Variants in EFCAB12 observed in about 807,000 individuals in gnomAD.
The protein encoded by EFCAB12 is EF-hand calcium binding domain 12.
EFCAB12 carries 43 observed loss-of-function variants against 53.6 expected under a neutral mutation model. The observed-to-expected ratio is 0.80, with a 90% CI of 0.63 to 1.03. The LOEUF is 1.03. Ranked by LOEUF, EFCAB12 falls within the 50% of genes least tolerant of loss-of-function variation. The pLI, the probability that EFCAB12 is intolerant of heterozygous loss-of-function variation, is 0.00. For synonymous variants in EFCAB12, 269 were observed against 289.2 expected (o/e 0.93, Z 0.71); for missense variants, 646 against 730.6 (o/e 0.88, Z 1.34).
In EFCAB12 at chr3:129,404,349, A is replaced by C. The variant is rs1319656089; in HGVS notation, c.1304T>G (p.Ile435Ser). ...IIFQMDKVCP[I>S]RQPGGYYSDW... is the part of the protein sequence containing the mutation. ...AGAGTAGTAGCCTCCCGGCTGCCGG[A>C]TGGGGCACACTTTGTCCATCTGGAA... Residue 435 changes from isoleucine (I) to serine (S), a missense_variant, in exon 7 of 9, where the codon ATC becomes AGC. Coordinates refer to ENST00000505956, the MANE Select transcript of EFCAB12 (RefSeq NM_207307.3). 1 of 1,613,888 alleles carries C rather than the reference A, an allele frequency of 6.2e-7. No homozygotes were observed. Among genetic ancestry groups the C allele is most frequent in the Non-Finnish European group, 8.5e-7 (1 of 1,179,872 alleles).
In EFCAB12 at chr3:129,415,409, G is replaced by A; in HGVS notation, c.682-8C>T. 1 of 1,613,438 alleles carries A rather than the reference G, an allele frequency of 6.2e-7. No individual in the cohort carries two copies. The highest frequency in any genetic ancestry group is 8.5e-7 in the Non-Finnish European group (1 of 1,179,714). Reference sequence around the variant, plus strand: ...CTTCAGAGGGACTCCGACCTGAGGAGAGAGAAGACCTTCAGACTAGCAGGC... The same window carrying A: ...CTTCAGAGGGACTCCGACCTGAGGAAAGAGAAGACCTTCAGACTAGCAGGC... On this transcript the variant is annotated splice_polypyrimidine_tract_variant and splice_region_variant and intron_variant, in intron 3 of 8. Coordinates refer to ENST00000505956, the MANE Select transcript of EFCAB12 (RefSeq NM_207307.3).
In EFCAB12 at chr3:129,408,891, T is replaced by A. The variant is rs1308955064; in HGVS notation, c.1036-33A>T. ...GGAAGCAGAAAGGGGCTCGCCCTTCTCTCGCCTGTGTCCCTCCTCCTGGCC... is the reference window on the plus strand; with the variant it reads ...GGAAGCAGAAAGGGGCTCGCCCTTCACTCGCCTGTGTCCCTCCTCCTGGCC... On this transcript the variant is annotated intron_variant, in intron 5 of 8. Transcript: ENST00000505956. 3 of 1,548,112 alleles carry A rather than the reference T, an allele frequency of 1.9e-6. No individual in the cohort carries two copies. In the East Asian group the frequency reaches 7.3e-5, roughly 38 times the overall value.
At chr3:129,427,657 A>T (rs1254134355) in intron 1 of EFCAB12, among the ~76,000 whole-genome samples, 1 of 152,070 alleles carries the variant, frequency 6.6e-6, no homozygotes, top group Non-Finnish European at 1.5e-5. Context: ...CATGGAGAAG[A>T]CCTTCAGTCT....
At chr3:129,426,141 C>T (rs2072267927) in intron 1 of EFCAB12, among the ~76,000 whole-genome samples, 1 of 152,016 alleles carries the variant, frequency 6.6e-6, no homozygotes, top group South Asian at 2.1e-4. Flanking sequence ...GTTTTTGGGC[C>T]CCTCTTTTCC....
intron 6 of EFCAB12, among the ~76,000 whole-genome samples, chr3:129,407,291 T>C (rs1368567180): frequency 6.6e-6 from 1 of 152,206 alleles, no homozygotes; most frequent in East Asian, 1.9e-4. Flanking sequence ...AAATTCTTGT[T>C]GTGGAAGCCG....
Position 129,415,820 on chromosome 3 carries a change from T to C in EFCAB12, c.682-419A>G, listed in dbSNP as rs897886233. ...ACACAAGTAACACATAAATCTCCCT[T>C]AATTCCTGGAAAATGGGATCAAGAA... On this transcript the variant is annotated intron_variant, in intron 3 of 8. Transcript: ENST00000505956. Among the ~76,000 whole-genome samples the C allele has an allele frequency of 3.3e-5, 5 of 152,284 alleles. No homozygotes were observed. The East Asian group carries it at 9.6e-4, about 29-fold the overall frequency.
intron 7 of EFCAB12, chr3:129,402,876 G>T: frequency 3.1e-6 from 1 of 323,048 alleles, no homozygotes; most frequent in Non-Finnish European, 5.8e-6. Context: ...GACCTCTCAG[G>T]GTAGTTACGA....
In EFCAB12 at chr3:129,401,553, C is replaced by G. The variant is rs1005365651; in HGVS notation, c.*40G>C. On this transcript the variant is annotated 3_prime_UTR_variant, in exon 9 of 9. Transcript: ENST00000505956. ...TCTGGGCCGCTGGCTGCACTGGCCC[C>G]TGGCCCAGGAAGGCTGGGTCCGGCA... 5 of 1,483,678 alleles carry G rather than the reference C, an allele frequency of 3.4e-6. No homozygotes were observed. The African/African-American group carries it at 7.0e-5, about 21-fold the overall frequency. The allele number at this position is 1,483,678 out of a possible 1,614,324, so 91.9% of individuals were successfully genotyped here.
At chr3:129,413,483 T>G (rs887469978) in intron 4 of EFCAB12, 7 of 152,152 alleles carry the variant, frequency 4.6e-5, no homozygotes, top group Non-Finnish European at 1.0e-4. Flanking sequence ...TCAGGTGCAC[T>G]AAGATAGGGA....
Position 129,424,044 on chromosome 3 carries a change from A to G in EFCAB12, c.50-2241T>C, listed in dbSNP as rs974219051. Among the ~76,000 whole-genome samples the G allele has an allele frequency of 7.9e-5, 12 of 152,134 alleles. No individual in the cohort carries two copies. In the South Asian group the frequency reaches 8.3e-4, roughly 11 times the overall value. ...TCCCATAGCCCCCACACTTAGTCCCATCATAAGCATTTACCATATTTTTCT... is the reference window on the plus strand; with the variant it reads ...TCCCATAGCCCCCACACTTAGTCCCGTCATAAGCATTTACCATATTTTTCT... On this transcript the variant is annotated intron_variant, in intron 1 of 8. Coordinates refer to ENST00000505956, the MANE Select transcript of EFCAB12 (RefSeq NM_207307.3).
In EFCAB12 at chr3:129,408,838, C is replaced by G. The variant is rs2071991598; in HGVS notation, c.1056G>C (p.Gln352His). ...GCACCAGGTGACATTGCTCCGTGTA[C>G]TGGATGGAGGGGATCGTGAGCTGCG... ...RQHKLTIPSI[Q>H]YTEQCHLVRC... The change falls in exon 6 of 9, where the codon CAG becomes CAC. Residue 352 changes from glutamine to histidine, a missense_variant. By Grantham distance (24) the Gln-to-His change is conservative. Transcript: ENST00000505956. 6 of 1,572,480 alleles carry G rather than the reference C, an allele frequency of 3.8e-6. No homozygotes were observed. The South Asian group carries it at 7.0e-5, about 18-fold the overall frequency.
At position 129,407,381 on chromosome 3, in the gene EFCAB12, G is replaced by A. The variant is rs372244164; in HGVS notation, c.1249+1264C>T. Among the ~76,000 whole-genome samples the A allele has an allele frequency of 4.9e-4, 75 of 152,312 alleles. 1 individual carries two copies. Among genetic ancestry groups the A allele is most frequent in the African/African-American group, 1.6e-3 (67 of 41,572 alleles). On this transcript the variant is annotated intron_variant, in intron 6 of 8. Coordinates refer to ENST00000505956, the MANE Select transcript of EFCAB12 (RefSeq NM_207307.3). ...AGACCCAGGGCCCTATAAATTTAGC[G>A]CTTGTTTCCCTCCCTCTTGGGAAAA...
In EFCAB12 at chr3:129,428,625, A is replaced by G. The variant is rs1227053794; in HGVS notation, c.-137T>C. 8.3e-6 allele frequency: 9 copies of G among 1,084,004 alleles called. 1 individual carries two copies. The South Asian group carries it at 1.3e-4, about 16-fold the overall frequency. 67.1% of individuals were successfully genotyped at this position (1,084,004 alleles called of 1,614,324 possible). On this transcript the variant is annotated 5_prime_UTR_variant, in exon 1 of 9. Transcript: ENST00000505956. ...GAAAGGCGCTCAGCTCAGACTGCAGAAGCAACCTGTTGCCGTGGCTACGGA... is the reference window on the plus strand; with the variant it reads ...GAAAGGCGCTCAGCTCAGACTGCAGGAGCAACCTGTTGCCGTGGCTACGGA...
At chr3:129,426,434 G>A (rs185690253) in intron 1 of EFCAB12, among the ~76,000 whole-genome samples, 13 of 136,914 alleles carry the variant, frequency 9.5e-5, no homozygotes, top group East Asian at 6.7e-4. Context: ...GCACGATCTC[G>A]GCTCTCTGCA....
At chr3:129,420,405 T>C (rs2072173739) in intron 2 of EFCAB12, among the ~76,000 whole-genome samples, 1 of 152,202 alleles carries the variant, frequency 6.6e-6, no homozygotes, top group South Asian at 2.1e-4. Flanking sequence ...AAACCCAACT[T>C]ATCTGTCTTC....
At chr3:129,427,303 T>C (rs185660232) in intron 1 of EFCAB12, among the ~76,000 whole-genome samples, 1 of 152,306 alleles carries the variant, frequency 6.6e-6, no homozygotes, top group East Asian at 1.9e-4. Context: ...GACAAGGATC[T>C]TAAACTCAAC....
At chr3:129,412,003 T>C (rs1178907523) in intron 4 of EFCAB12, 1 of 152,164 alleles carries the variant, frequency 6.6e-6, no homozygotes, top group African/African-American at 2.4e-5. Flanking sequence ...CTGAGGTCAG[T>C]AGTTCAAGAC....
At position 129,428,455 on chromosome 3, in the gene EFCAB12, A is replaced by G. The variant is rs1463870375; in HGVS notation, c.34T>C (p.Phe12Leu). Residue 12 changes from phenylalanine (F) to leucine (L), a missense_variant, in exon 1 of 9, where the codon TTC becomes CTC. Transcript: ENST00000505956. The stretch of plus-strand genomic sequence containing the variant: ...CGGGGCTTACCGAGCAGCGACAAGA[A>G]CAGACTGTGGTACGCTTCATAGTCG... ...DDDYEAYHSL[F>L]LSLLGLCPSK... The G allele has an allele frequency of 6.2e-7, 1 of 1,609,230 alleles. No individual in the cohort carries two copies. Among genetic ancestry groups the G allele is most frequent in the Non-Finnish European group, 8.5e-7 (1 of 1,177,414 alleles).
intron 3 of EFCAB12, among the ~76,000 whole-genome samples, 152 bp downstream of exon 3, chr3:129,418,102 T>G (rs1044675395): frequency 5.9e-5 from 9 of 152,034 alleles, no homozygotes; most frequent in Admixed American, 2.0e-4. Flanking sequence ...CTAGCCTTAA[T>G]AAGTAATAAG....
Sources: gnomAD v4.1 joint callset for allele counts (sites outside exome capture counted in the v4.1 genomes callset) on GRCh38, gnomAD v4.1.1 for gene constraint, MANE v1.5 for transcripts, NCBI Gene and HGNC (gene_info 2026-07-23, HGNC 2026-07-21) for gene names.